Variants in SULF1 observed in about 807,000 individuals in gnomAD.
The protein encoded by SULF1 is extracellular sulfatase Sulf-1.
In SULF1, 46 loss-of-function variants were observed where a neutral mutation model predicts 110.5. The ratio of observed to expected loss-of-function variants is 0.42; its 90% CI spans 0.33 to 0.53. SULF1 has a LOEUF of 0.53. Among genes scored for constraint, SULF1 ranks in the 20% least tolerant of loss-of-function variants. The pLI, the probability that SULF1 is intolerant of heterozygous loss-of-function variation, is 0.12. For missense variants in SULF1, 941 were observed against 1,094.2 expected (o/e 0.86, Z 1.98); for synonymous variants, 371 against 387.1 (o/e 0.96, Z 0.49).
chr8:69,598,352 G>T (rs1807510105), intron 8 of SULF1, among the ~76,000 whole-genome samples: 1 of 152,116 alleles, frequency 6.6e-6, no homozygotes, highest in South Asian at 2.1e-4. Flanking sequence ...TATGGTGGTT[G>T]TTCCTCAAAA....
At chr8:69,612,900 T>C (rs1308005558) in intron 13 of SULF1, among the ~76,000 whole-genome samples, 1 of 152,202 alleles carries the variant, frequency 6.6e-6, no homozygotes, top group African/African-American at 2.4e-5. Flanking sequence ...TATATTTGCT[T>C]TTGGGGTCTT....
At chr8:69,509,068 A>C (rs907635901) in intron 3 of SULF1, among the ~76,000 whole-genome samples, 4 of 152,176 alleles carry the variant, frequency 2.6e-5, no homozygotes, top group African/African-American at 9.7e-5. Flanking sequence ...CATTTCCCTC[A>C]CTAGGATGTG....
Position 69,603,231 on chromosome 8 carries a change from G to C in SULF1, c.1101G>C (p.Thr367=). 1.2e-6 allele frequency: 2 copies of C among 1,614,086 alleles called. No homozygotes were observed. The highest frequency in any genetic ancestry group is 1.7e-6 in the Non-Finnish European group (2 of 1,180,028). ...QIVLNIDLAP[T]ILDIAGLDTP... ...TTCTCAACATTGACTTGGCCCCCACGATCCTGGATATTGCTGGGCTCGACA... is the reference window on the plus strand; with the variant it reads ...TTCTCAACATTGACTTGGCCCCCACCATCCTGGATATTGCTGGGCTCGACA... The change falls in exon 11 of 23, where the codon ACG becomes ACC. Residue 367 remains threonine (T), a synonymous_variant. Coordinates refer to ENST00000402687, the MANE Select transcript of SULF1 (RefSeq NM_001128205.2).
chr8:69,646,247 G>C (rs1021863504), intron 22 of SULF1, among the ~76,000 whole-genome samples: 58 of 152,304 alleles, frequency 3.8e-4, no homozygotes, highest in Middle Eastern at 3.4e-3. Context: ...TATGAGAATA[G>C]TTTTGTGAGT....
At chr8:69,493,452 C>CT (rs1182107054) in intron 1 of SULF1, among the ~76,000 whole-genome samples, 29 of 22,522 alleles carry the variant, frequency 1.3e-3, no homozygotes, top group African/African-American at 5.7e-3. Flanking sequence ...CAACACTACA[C>CT]ACACACACAC....
intron 1 of SULF1, among the ~76,000 whole-genome samples, chr8:69,471,220 C>T (rs1809069089): frequency 6.6e-6 from 1 of 152,140 alleles, no homozygotes; most frequent in South Asian, 2.1e-4. Context: ...CTTGACTTCT[C>T]AGGTGGAGTG....
At position 69,604,977 on chromosome 8, in the gene SULF1, A is replaced by G. The variant is rs371161124; in HGVS notation, c.1377+45A>G. 5.1e-5 allele frequency: 81 copies of G among 1,598,274 alleles called. No homozygotes were observed. The Admixed American group carries it at 1.4e-3, about 27-fold the overall frequency. Reference sequence around the variant, plus strand: ...TTTACCACCACTCATGTGCTTCTCCATCTCTAATTTAGAAAATTGTCCACA... The same window carrying G: ...TTTACCACCACTCATGTGCTTCTCCGTCTCTAATTTAGAAAATTGTCCACA... On this transcript the variant is annotated intron_variant, in intron 13 of 22. Coordinates refer to ENST00000402687, the MANE Select transcript of SULF1 (RefSeq NM_001128205.2).
At chr8:69,556,316 A>T (rs1815114737) in intron 3 of SULF1, among the ~76,000 whole-genome samples, 1 of 152,188 alleles carries the variant, frequency 6.6e-6, no homozygotes, top group African/African-American at 2.4e-5. Flanking sequence ...ATCCAATGAA[A>T]TGTTAGAAGT....
chr8:69,632,904 T>C (rs1810690545), intron 19 of SULF1, among the ~76,000 whole-genome samples: 1 of 151,590 alleles, frequency 6.6e-6, no homozygotes, highest in South Asian at 2.1e-4. Flanking sequence ...TGCCCGCCTG[T>C]AGTCCCAGCT....
intron 3 of SULF1, among the ~76,000 whole-genome samples, chr8:69,502,925 G>A (rs1029947761): frequency 1.3e-5 from 2 of 151,838 alleles, no homozygotes; most frequent in Non-Finnish European, 2.9e-5. Flanking sequence ...GACCTCAAGT[G>A]ATCCACCTAC....
chr8:69,560,774 G>A (rs1230365534), intron 3 of SULF1, among the ~76,000 whole-genome samples: 3 of 152,166 alleles, frequency 2.0e-5, no homozygotes, highest in Non-Finnish European at 2.9e-5. Flanking sequence ...CAGTTAAGAG[G>A]ATGACAGGCT....
At position 69,605,079 on chromosome 8, in the gene SULF1, C is replaced by T. The variant is rs1282516124; in HGVS notation, c.1377+147C>T. The T allele has an allele frequency of 1.9e-5, 21 of 1,123,934 alleles. No individual in the cohort carries two copies. The East Asian group carries it at 3.4e-4, about 18-fold the overall frequency. The allele number at this position is 1,123,934 out of a possible 1,614,324, so 69.6% of individuals were successfully genotyped here. On this transcript the variant is annotated intron_variant, in intron 13 of 22. Coordinates refer to ENST00000402687, the MANE Select transcript of SULF1 (RefSeq NM_001128205.2). Reference sequence around the variant, plus strand: ...GGGCAAGCTCACTGAGACACCTCTCCGCGGACAGAATTACGTAACTGGTTC... The same window carrying T: ...GGGCAAGCTCACTGAGACACCTCTCTGCGGACAGAATTACGTAACTGGTTC...
intron 1 of SULF1, among the ~76,000 whole-genome samples, chr8:69,474,459 C>A (rs1809220326): frequency 6.6e-6 from 1 of 152,152 alleles, no homozygotes; most frequent in Non-Finnish European, 1.5e-5. Flanking sequence ...AACAGATGTG[C>A]TTTACCGTGC....
intron 22 of SULF1, chr8:69,641,045 G>A (rs1811435642): frequency 2.2e-6 from 1 of 448,964 alleles, no homozygotes; most frequent in African/African-American, 2.0e-5. Context: ...GTCCCATCAA[G>A]ATGTTCCAGA....
At chr8:69,545,973 G>A (rs887149641) in intron 3 of SULF1, among the ~76,000 whole-genome samples, 7 of 152,158 alleles carry the variant, frequency 4.6e-5, no homozygotes, top group African/African-American at 1.7e-4. Flanking sequence ...GAGATTACAG[G>A]CGTGAGCCAC....
intron 5 of SULF1, among the ~76,000 whole-genome samples, chr8:69,571,394 CA>C (rs1191949024): frequency 2.6e-5 from 4 of 152,018 alleles, no homozygotes; most frequent in African/African-American, 9.7e-5. Context: ...AAACACAAAC[CA>C]AAAAAGGATA....
chr8:69,516,593 C>T (rs1811936995), intron 3 of SULF1, among the ~76,000 whole-genome samples: 1 of 152,142 alleles, frequency 6.6e-6, no homozygotes, highest in Non-Finnish European at 1.5e-5. Context: ...TAAGTTTTGT[C>T]AGGAAAATGA....
In SULF1 at chr8:69,655,388, G is replaced by A. The variant is rs535551407; in HGVS notation, c.2586-3117G>A. Reference sequence around the variant, plus strand: ...CCAAAAGGTCCACTTGATGGTGCCCGTAATACTCCAATACATATTCTTATT... The same window carrying A: ...CCAAAAGGTCCACTTGATGGTGCCCATAATACTCCAATACATATTCTTATT... On this transcript the variant is annotated intron_variant, in intron 22 of 22. Coordinates refer to ENST00000402687, the MANE Select transcript of SULF1 (RefSeq NM_001128205.2). 2.2e-4 allele frequency among the ~76,000 whole-genome samples: 33 copies of A among 152,294 alleles called. No individual in the cohort carries two copies. In the South Asian group the frequency reaches 5.4e-3, roughly 25 times the overall value.
chr8:69,615,030 T>C (rs909858463), intron 13 of SULF1, among the ~76,000 whole-genome samples: 2 of 152,212 alleles, frequency 1.3e-5, no homozygotes, highest in Admixed American at 1.3e-4. Flanking sequence ...GATTTACTGA[T>C]AAACTTCAAG....
Sources: gnomAD v4.1 joint callset for allele counts (sites outside exome capture counted in the v4.1 genomes callset) on GRCh38, gnomAD v4.1.1 for gene constraint, MANE v1.5 for transcripts, NCBI Gene and HGNC (gene_info 2026-07-23, HGNC 2026-07-21) for gene names.